SMURF2: variants seen among roughly 807,000 people sequenced by gnomAD.
SMURF2 encodes the protein SMAD specific E3 ubiquitin protein ligase 2.
A neutral mutation model predicts 109.6 loss-of-function variants in SMURF2; 48 were observed. That is an observed-to-expected ratio of 0.44 (90% CI 0.35 to 0.56). SMURF2 has a LOEUF of 0.56. Among genes scored for constraint, SMURF2 ranks in the 20% least tolerant of loss-of-function variants. The pLI, the probability that SMURF2 is intolerant of heterozygous loss-of-function variation, is 0.01. For missense variants in SMURF2, 575 were observed against 909.0 expected (o/e 0.63, Z 4.72); for synonymous variants, 288 against 317.1 (o/e 0.91, Z 0.97).
At chr17:64,651,831 AG>A (rs1970644235) in intron 1 of SMURF2, among the ~76,000 whole-genome samples, 1 of 152,050 alleles carries the variant, frequency 6.6e-6, no homozygotes, top group Non-Finnish European at 1.5e-5. Flanking sequence ...CTGAGGCGGG[AG>A]GATCACTTGA....
At chr17:64,649,082 T>A (rs1303336477) in intron 1 of SMURF2, among the ~76,000 whole-genome samples, 1 of 152,222 alleles carries the variant, frequency 6.6e-6, no homozygotes, top group Non-Finnish European at 1.5e-5. Context: ...GAATTACTAA[T>A]GTTTGCAACT....
intron 1 of SMURF2, among the ~76,000 whole-genome samples, chr17:64,650,615 G>A (rs1462194405): frequency 6.6e-6 from 1 of 151,868 alleles, no homozygotes; most frequent in African/African-American, 2.4e-5. Context: ...CGGATCACTT[G>A]AGGTCAGGAG....
At chr17:64,557,878 T>C (rs1206067758) in intron 12 of SMURF2, among the ~76,000 whole-genome samples, 156 bp from the exon 13 acceptor site, 2 of 152,198 alleles carry the variant, frequency 1.3e-5, no homozygotes, top group Non-Finnish European at 2.9e-5. Context: ...TGGAAAAATC[T>C]ACCGTACCCA....
chr17:64,649,528 A>G (rs1475592198), intron 1 of SMURF2, among the ~76,000 whole-genome samples: 4 of 152,188 alleles, frequency 2.6e-5, no homozygotes, highest in Non-Finnish European at 5.9e-5. Context: ...AATGGTTTAT[A>G]AAAATATATT....
At chr17:64,633,736 A>G (rs1320312794) in intron 1 of SMURF2, among the ~76,000 whole-genome samples, 2 of 152,228 alleles carry the variant, frequency 1.3e-5, no homozygotes, top group African/African-American at 2.4e-5. Flanking sequence ...ACACCAAACA[A>G]CTTTCAATTC....
At chr17:64,555,576 A>T (rs1390958984) in intron 14 of SMURF2, among the ~76,000 whole-genome samples, 1 of 152,222 alleles carries the variant, frequency 6.6e-6, no homozygotes, top group Admixed American at 6.5e-5. Flanking sequence ...AATTATATAA[A>T]GTACTTTTAA....
At position 64,555,990 on chromosome 17, in the gene SMURF2, TA is replaced by T; in HGVS notation, c.1439del (p.Leu480TyrfsTer10). ...NPDSAVNPEH[L>X]SYFHFVGRIM... ...TTCGTCCAACAAAGTGGAAATAGGA[TA>T]AATGTTCCTGAAATTGAAAACAGTA... On this transcript the variant is annotated frameshift_variant, in exon 14 of 19. Coordinates refer to ENST00000262435, the MANE Select transcript of SMURF2 (RefSeq NM_022739.4). LOFTEE classifies it high-confidence loss of function. The T allele has an allele frequency of 6.2e-7, 1 of 1,609,084 alleles. No individual in the cohort carries two copies. The highest frequency in any genetic ancestry group is 8.5e-7 in the Non-Finnish European group (1 of 1,177,052).
chr17:64,587,033 T>C (rs1969672533), intron 5 of SMURF2, among the ~76,000 whole-genome samples: 1 of 151,354 alleles, frequency 6.6e-6, no homozygotes, highest in East Asian at 2.0e-4. Context: ...TGAGGAACTA[T>C]GGGCGTGGTG....
rs150558550 is a variant in SMURF2 at position 64,562,843 on chromosome 17, C to A, written c.1140G>T (p.Arg380=). ...GAGGCTGTTGTTGGGAAAGTTCTTG[C>A]CGCAAAATTTTTAGTTTCTGAACCA... ...RDLVQKLKIL[R]QELSQQQPQA... is the part of the protein sequence containing the mutation. Residue 380 remains arginine, a synonymous_variant, in exon 11 of 19, where the codon CGG becomes CGT. Transcript: ENST00000262435. 2 of 1,613,996 alleles carry A rather than the reference C, an allele frequency of 1.2e-6. No individual in the cohort carries two copies. The highest frequency in any genetic ancestry group is 1.3e-5 in the African/African-American group (1 of 74,890).
chr17:64,633,597 T>C (rs1970376211), intron 1 of SMURF2, among the ~76,000 whole-genome samples: 3 of 152,230 alleles, frequency 2.0e-5, no homozygotes, highest in Admixed American at 2.0e-4. Context: ...ATTCCAGGAT[T>C]CAACTAGCAT....
chr17:64,562,740 T>A (rs369001005), intron 11 of SMURF2, 31 bp downstream of exon 11: 43 of 1,591,616 alleles, frequency 2.7e-5, no homozygotes, highest in Non-Finnish European at 3.3e-5. Context: ...GAAAAAAAAA[T>A]AGTAAAACAA....
chr17:64,601,838 GTGTGTGTGTGTGTA>G (rs1969901840), intron 2 of SMURF2, among the ~76,000 whole-genome samples: 1 of 149,698 alleles, frequency 6.7e-6, no homozygotes, highest in East Asian at 1.9e-4. Flanking sequence ...GAAATGTGGT[GTGTGTGTGTGTGTA>G]TATGTGTGTG....
chr17:64,651,023 C>T (rs1970630907), intron 1 of SMURF2, among the ~76,000 whole-genome samples: 2 of 151,146 alleles, frequency 1.3e-5, no homozygotes, highest in African/African-American at 4.9e-5. Flanking sequence ...AACAGCCTGG[C>T]CAACACAGCA....
In SMURF2 at chr17:64,543,413, A is replaced by G. The variant is rs1328883645; in HGVS notation, c.*2435T>C. 6.6e-6 allele frequency: 1 copy of G among 151,836 alleles called. No individual in the cohort carries two copies. Among genetic ancestry groups the G allele is most frequent in the Non-Finnish European group, 1.5e-5 (1 of 68,054 alleles). The allele number at this position is 151,836 out of a possible 1,614,324, so 9.4% of individuals were successfully genotyped here. A position where few individuals can be genotyped will look rare whatever the true frequency, so the allele number is the denominator to read the frequency against. On this transcript the variant is annotated 3_prime_UTR_variant, in exon 19 of 19. Coordinates refer to ENST00000262435, the MANE Select transcript of SMURF2 (RefSeq NM_022739.4). Reference sequence around the variant, plus strand: ...CCTCAGCCTCCCAAGTAGTTGGATTACAGGAGTGCGCCACCATGCCCGGCT... The same window carrying G: ...CCTCAGCCTCCCAAGTAGTTGGATTGCAGGAGTGCGCCACCATGCCCGGCT...
chr17:64,605,460 C>G (rs1969955689), intron 2 of SMURF2, among the ~76,000 whole-genome samples: 1 of 151,724 alleles, frequency 6.6e-6, no homozygotes, highest in South Asian at 2.1e-4. Flanking sequence ...CAGTGGCTCA[C>G]ACCTGTAATC....
intron 10 of SMURF2, 105 bp from the exon 11 acceptor site, chr17:64,563,071 T>C: frequency 9.5e-7 from 1 of 1,051,202 alleles, no homozygotes. Flanking sequence ...AGCTCTATCA[T>C]TTTCCAAGCC....
intron 1 of SMURF2, among the ~76,000 whole-genome samples, chr17:64,645,335 A>T (rs2144726776): frequency 6.6e-6 from 1 of 152,358 alleles, no homozygotes; most frequent in Non-Finnish European, 1.5e-5. Flanking sequence ...GAGACATACC[A>T]ACCCAATACA....
Position 64,555,909 on chromosome 17 carries a change from A to G in SMURF2, c.1521T>C (p.Pro507=). The G allele has an allele frequency of 1.2e-6, 2 of 1,613,816 alleles. No homozygotes were observed. Among genetic ancestry groups the G allele is most frequent in the Non-Finnish European group, 1.7e-6 (2 of 1,179,776 alleles). Residue 507 remains proline, a synonymous_variant, in exon 14 of 19, where the codon CCT becomes CCC. Coordinates refer to ENST00000262435, the MANE Select transcript of SMURF2 (RefSeq NM_022739.4). ...ACTTCCCAAGCAATTGCTTATAAAA[A>G]GGCAATGTGAAACCACCATCAATAT... ...GHYIDGGFTL[P]FYKQLLGKSI...
rs9896644 is a variant in SMURF2 at position 64,575,959 on chromosome 17, C to A, written c.857+2533G>T. ...GTGGCTCATGCCTGTAATCCCAGCA[C>A]TTTGGGAGGCCGAGGTGCACAGATT... On this transcript the variant is annotated intron_variant, in intron 9 of 18. Transcript: ENST00000262435. Among the ~76,000 whole-genome samples, 1,233 of 152,152 alleles carry A rather than the reference C, an allele frequency of 8.1e-3. 36 individuals carry two copies. Among genetic ancestry groups the A allele is most frequent in the African/African-American group, 0.028 (1,169 of 41,440 alleles).
Sources: gnomAD v4.1 joint callset for allele counts (sites outside exome capture counted in the v4.1 genomes callset) on GRCh38, gnomAD v4.1.1 for gene constraint, MANE v1.5 for transcripts, NCBI Gene and HGNC (gene_info 2026-07-23, HGNC 2026-07-21) for gene names.